IL1RAPL2: variants seen among roughly 807,000 people sequenced by gnomAD.
IL1RAPL2 encodes X-linked interleukin-1 receptor accessory protein-like 2.
In IL1RAPL2, 3 loss-of-function variants were observed where a neutral mutation model predicts 44.1. The observed-to-expected ratio is 0.07, with a 90% confidence interval of 0.03 to 0.18. IL1RAPL2 has a LOEUF of 0.18. Among genes scored for constraint, IL1RAPL2 ranks in the 10% least tolerant of loss-of-function variants. The pLI is 1.00. For missense variants in IL1RAPL2, 391 were observed against 496.4 expected (o/e 0.79, Z 2.02); for synonymous variants, 181 against 178.8 (o/e 1.01, Z -0.10).
chrX:104,656,124 A>G (rs1288778877), intron 1 of IL1RAPL2, among the ~76,000 whole-genome samples: 7 of 110,398 alleles, frequency 6.3e-5, no homozygotes, highest in Admixed American at 4.8e-4. Flanking sequence ...CAAAAAACCA[A>G]CCCCTGGATT....
At chrX:105,274,093 T>C (rs994671634) in intron 5 of IL1RAPL2, among the ~76,000 whole-genome samples, 8 of 112,031 alleles carry the variant, frequency 7.1e-5, no homozygotes, top group Non-Finnish European at 1.5e-4. Flanking sequence ...AACCAAAATA[T>C]TGGACACGAT....
At chrX:105,373,858 C>CCTAT (rs2035363875) in intron 5 of IL1RAPL2, among the ~76,000 whole-genome samples, 1 of 110,316 alleles carries the variant, frequency 9.1e-6, no homozygotes, top group Admixed American at 9.8e-5. Flanking sequence ...GTGGCTCACT[C>CCTAT]CTATAATCCC....
chrX:105,597,780 T>C (rs2037222416), intron 6 of IL1RAPL2, among the ~76,000 whole-genome samples: 1 of 112,049 alleles, frequency 8.9e-6, no homozygotes, highest in Non-Finnish European at 1.9e-5. Context: ...CCATATCAGA[T>C]GGCTAATGCC....
chrX:105,279,789 T>C (rs2034516511), intron 5 of IL1RAPL2, among the ~76,000 whole-genome samples: 1 of 112,514 alleles, frequency 8.9e-6, no homozygotes, highest in Non-Finnish European at 1.9e-5. Flanking sequence ...ATCTTAGTTA[T>C]TTCTTGTCTT....
chrX:105,531,182 G>T (rs1171329417), intron 6 of IL1RAPL2, among the ~76,000 whole-genome samples: 1 of 111,575 alleles, frequency 9.0e-6, no homozygotes, highest in Non-Finnish European at 1.9e-5. Flanking sequence ...CTGTATGAGG[G>T]TTCCCTTTTC....
intron 2 of IL1RAPL2, among the ~76,000 whole-genome samples, chrX:104,706,295 A>G (rs1931362861): frequency 8.9e-6 from 1 of 112,279 alleles, no homozygotes; most frequent in Non-Finnish European, 1.9e-5. Context: ...AAAAATACCC[A>G]ATATTCATTT....
At chrX:104,632,240 C>G (rs1197935697) in intron 1 of IL1RAPL2, among the ~76,000 whole-genome samples, 1 of 111,485 alleles carries the variant, frequency 9.0e-6, no homozygotes, top group Non-Finnish European at 1.9e-5. Flanking sequence ...TTTTGCTTAC[C>G]ATAGCCTTGT....
intron 2 of IL1RAPL2, among the ~76,000 whole-genome samples, chrX:104,661,752 G>A (rs1263448668): frequency 1.8e-5 from 2 of 111,838 alleles, no homozygotes; most frequent in East Asian, 5.7e-4. Flanking sequence ...AGCTTGTGAA[G>A]TCCTTTGCTC....
intron 5 of IL1RAPL2, among the ~76,000 whole-genome samples, chrX:105,405,130 A>C (rs1225744969): frequency 8.9e-6 from 1 of 111,784 alleles, no homozygotes; most frequent in East Asian, 2.8e-4. Flanking sequence ...AGACATGTTT[A>C]GTTTGATTTT....
chrX:104,766,559 T>C (rs1932557851), intron 2 of IL1RAPL2, among the ~76,000 whole-genome samples: 1 of 112,127 alleles, frequency 8.9e-6, no homozygotes, highest in Non-Finnish European at 1.9e-5. Context: ...ATTAACATCA[T>C]TGGATACTTA....
intron 2 of IL1RAPL2, among the ~76,000 whole-genome samples, chrX:104,780,412 A>AT (rs1247385943): frequency 8.9e-6 from 1 of 111,850 alleles, no homozygotes; most frequent in African/African-American, 3.3e-5. Flanking sequence ...ATATGGCCCC[A>AT]TATGCAAGGA....
chrX:105,662,682 C>T (rs1477556578), intron 6 of IL1RAPL2, among the ~76,000 whole-genome samples: 1 of 111,503 alleles, frequency 9.0e-6, no homozygotes, highest in African/African-American at 3.3e-5. Context: ...CACTGGCTCT[C>T]TCTCAGGTCG....
intron 2 of IL1RAPL2, among the ~76,000 whole-genome samples, chrX:104,924,346 A>C (rs976764431): frequency 8.9e-6 from 1 of 111,753 alleles, no homozygotes; most frequent in Non-Finnish European, 1.9e-5. Flanking sequence ...TCTTGACCAA[A>C]TGGACCTAAC....
At chrX:105,652,951 A>G (rs930888192) in intron 6 of IL1RAPL2, among the ~76,000 whole-genome samples, 2 of 111,637 alleles carry the variant, frequency 1.8e-5, no homozygotes, top group Admixed American at 9.6e-5. Flanking sequence ...TGTGGCATCA[A>G]TGGTATGTTA....
At chrX:105,146,494 A>G (rs1285212202) in intron 2 of IL1RAPL2, among the ~76,000 whole-genome samples, 1 of 111,883 alleles carries the variant, frequency 8.9e-6, no homozygotes, top group Non-Finnish European at 1.9e-5. Flanking sequence ...TTTGTATCTT[A>G]TACTAAAGAA....
At chrX:105,074,933 G>T (rs1386972396) in intron 2 of IL1RAPL2, among the ~76,000 whole-genome samples, 1 of 111,347 alleles carries the variant, frequency 9.0e-6, no homozygotes, top group Non-Finnish European at 1.9e-5. Context: ...AGCTTGAGGA[G>T]ATTTTGGGCT....
chrX:105,112,907 G>A lies in IL1RAPL2; in HGVS notation c.83-82568G>A, dbSNP rs181835506. Among the ~76,000 whole-genome samples the A allele has an allele frequency of 2.7e-5, 3 of 112,632 alleles. No individual in the cohort carries two copies. In the East Asian group the frequency reaches 8.4e-4, roughly 32 times the overall value. On this transcript the variant is annotated intron_variant, in intron 2 of 10. Coordinates refer to ENST00000372582, the MANE Select transcript of IL1RAPL2 (RefSeq NM_017416.2). The stretch of plus-strand genomic sequence containing the variant: ...ACTCTTCATTGTTTTCCTCTAAAGG[G>A]ATCATATTATCAGTGAAAGACCCTA...
At chrX:104,942,379 T>G (rs916137423) in intron 2 of IL1RAPL2, among the ~76,000 whole-genome samples, 28 of 111,607 alleles carry the variant, frequency 2.5e-4, no homozygotes, top group African/African-American at 7.8e-4. Flanking sequence ...ATTTCCTTGA[T>G]CAGTGGTTTG....
intron 1 of IL1RAPL2, among the ~76,000 whole-genome samples, chrX:104,608,084 A>G (rs1218742316): frequency 9.0e-6 from 1 of 111,586 alleles, no homozygotes; most frequent in African/African-American, 3.3e-5. Context: ...TTGCAGGGAC[A>G]TTGATGAAGC....
Sources: allele counts gnomAD v4.1 joint callset (sites outside exome capture counted in the v4.1 genomes callset), GRCh38; gene constraint gnomAD v4.1.1; transcripts MANE v1.5; gene names NCBI Gene and HGNC (gene_info 2026-07-23, HGNC 2026-07-21).